Variants in DNAH6 observed in about 807,000 individuals in gnomAD.
DNAH6 encodes the protein axonemal beta dynein heavy chain 6.
DNAH6 carries 340 observed loss-of-function variants against 491.4 expected under a neutral mutation model. The ratio of observed to expected loss-of-function variants is 0.69; its 90% CI spans 0.63 to 0.76. DNAH6 has a LOEUF of 0.76. Among genes scored for constraint, DNAH6 ranks in the 30% least tolerant of loss-of-function variants. The pLI is 0.00. For synonymous variants in DNAH6, 1,603 were observed against 1,686.1 expected, an observed-to-expected ratio of 0.95 and a Z score of 1.21; for missense variants, 4,443 against 4,972.2, an observed-to-expected ratio of 0.89 and a Z score of 3.20.
intron 26 of DNAH6, among the ~76,000 whole-genome samples, chr2:84,622,539 A>G (rs1429578093): frequency 6.6e-5 from 10 of 152,052 alleles, no homozygotes; most frequent in Non-Finnish European, 1.2e-4. Flanking sequence ...AGGCGTGATA[A>G]TCATGCCCAA....
At chr2:84,755,344 A>G (rs1673899803) in intron 63 of DNAH6, among the ~76,000 whole-genome samples, 1 of 152,198 alleles carries the variant, frequency 6.6e-6, no homozygotes, top group African/African-American at 2.4e-5. Context: ...ATACCGTATC[A>G]TGCTCTTGGA....
In DNAH6 at chr2:84,670,485, ATTATT is replaced by A; in HGVS notation, c.6454+14_6454+18del. ...AGAAAAAATATTCTAGGTAAGAATC[ATTATT>A]TTAGTTTGTCCCACACAAATTATTC... is the stretch of plus-strand genomic sequence containing the variant. On this transcript the variant is annotated intron_variant, in intron 39 of 76. Coordinates refer to ENST00000389394, the MANE Select transcript of DNAH6 (RefSeq NM_001370.2). 6.7e-7 allele frequency: 1 copy of A among 1,488,334 alleles called. No homozygotes were observed. Among genetic ancestry groups the A allele is most frequent in the African/African-American group, 1.4e-5 (1 of 70,754 alleles). The allele number at this position is 1,488,334 out of a possible 1,614,324, so 92.2% of individuals were successfully genotyped here.
At chr2:84,712,991 A>T in intron 56 of DNAH6, 104 bp from the exon 57 acceptor site, 1 of 949,892 alleles carries the variant, frequency 1.1e-6, no homozygotes, top group Non-Finnish European at 1.6e-6. Context: ...CTGGAAAATT[A>T]TTCATTCACA....
intron 4 of DNAH6, among the ~76,000 whole-genome samples, chr2:84,539,521 G>A (rs1029833911): frequency 1.3e-5 from 2 of 152,068 alleles, no homozygotes; most frequent in Admixed American, 6.6e-5. Flanking sequence ...CTGAGCAACA[G>A]CTTTTCTTTA....
intron 11 of DNAH6, among the ~76,000 whole-genome samples, chr2:84,560,675 G>T (rs1478562440): frequency 1.3e-5 from 2 of 151,608 alleles, no homozygotes; most frequent in African/African-American, 4.9e-5. Context: ...TGTTCTCATT[G>T]TTCAGTTCCC....
rs958267711 is a variant in DNAH6 at position 84,745,367 on chromosome 2, C to CA, written c.10512+125dup. 3.9e-5 allele frequency: 31 copies of CA among 799,490 alleles called. 1 individual carries two copies. The highest frequency in any genetic ancestry group is 3.5e-4 in the Middle Eastern group (1 of 2,876). 49.5% of individuals were successfully genotyped at this position (799,490 alleles called of 1,614,324 possible). ...CAATGGCCAAGTTTGGGAGATGACTCAAAAAAATGAAACATGGGCCGAGCG... is the reference window on the plus strand; with the variant it reads ...CAATGGCCAAGTTTGGGAGATGACTCAAAAAAAATGAAACATGGGCCGAGCG... On this transcript the variant is annotated intron_variant, in intron 63 of 76. Coordinates refer to ENST00000389394, the MANE Select transcript of DNAH6 (RefSeq NM_001370.2).
intron 37 of DNAH6, among the ~76,000 whole-genome samples, chr2:84,660,867 C>G (rs1326574639): frequency 1.3e-5 from 2 of 151,824 alleles, no homozygotes; most frequent in Non-Finnish European, 2.9e-5. Context: ...TCATAAGAGA[C>G]AAAGTTGAGA....
At chr2:84,667,671 AG>A (rs1232589006) in intron 37 of DNAH6, among the ~76,000 whole-genome samples, 4 of 152,220 alleles carry the variant, frequency 2.6e-5, no homozygotes, top group Admixed American at 1.3e-4. Context: ...CCATTGTGGA[AG>A]ACAGTGTGGC....
chr2:84,814,127 T>A lies in DNAH6; in HGVS notation c.12150+5T>A, dbSNP rs1292557960. 2 of 1,550,850 alleles carry A rather than the reference T, an allele frequency of 1.3e-6. No homozygotes were observed. Among genetic ancestry groups the A allele is most frequent in the South Asian group, 1.2e-5 (1 of 83,950 alleles). Reference sequence around the variant, plus strand: ...GAACTGCCCATGGACATGGAGGTATTGTCCACCTGGCTGTTATGGCAAAGC... The same window carrying A: ...GAACTGCCCATGGACATGGAGGTATAGTCCACCTGGCTGTTATGGCAAAGC... On this transcript the variant is annotated splice_donor_5th_base_variant and intron_variant, in intron 75 of 76. Transcript: ENST00000389394.
chr2:84,795,923 A>C (rs1395734947), intron 68 of DNAH6, among the ~76,000 whole-genome samples: 1 of 152,188 alleles, frequency 6.6e-6, no homozygotes, highest in Non-Finnish European at 1.5e-5. Flanking sequence ...CATTTTACTC[A>C]TTGTCTCCGA....
intron 45 of DNAH6, among the ~76,000 whole-genome samples, chr2:84,693,092 C>T (rs1050701699): frequency 1.8e-4 from 27 of 152,286 alleles, no homozygotes; most frequent in African/African-American, 5.8e-4. Flanking sequence ...GTGGTTTCTT[C>T]TATTATGTCA....
At chr2:84,818,173 T>C (rs1460085750) in intron 76 of DNAH6, among the ~76,000 whole-genome samples, 1 of 152,166 alleles carries the variant, frequency 6.6e-6, no homozygotes, top group African/African-American at 2.4e-5. Flanking sequence ...GGTAGTCCTA[T>C]GTAGTAGTCA....
chr2:84,584,413 A>T, intron 15 of DNAH6, 163 bp downstream of exon 15: 1 of 735,008 alleles, frequency 1.4e-6, no homozygotes, highest in Non-Finnish European at 2.1e-6. Context: ...AAGCTAATTA[A>T]TGTGTCCATC....
chr2:84,491,337 A>C, the DNAH6 span, among the ~76,000 whole-genome samples: 2 of 152,044 alleles, frequency 1.3e-5, no homozygotes, highest in African/African-American at 4.8e-5. Context: ...TTTTTTGCCT[A>C]TTCTTTCTTG....
At position 84,808,470 on chromosome 2, in the gene DNAH6, A is replaced by G; in HGVS notation, c.11667A>G (p.Gly3889=). 1 of 1,546,064 alleles carries G rather than the reference A, an allele frequency of 6.5e-7. No individual in the cohort carries two copies. The highest frequency in any genetic ancestry group is 8.7e-7 in the Non-Finnish European group (1 of 1,145,624). The change falls in exon 72 of 77, where the codon GGA becomes GGG. Residue 3889 remains glycine (G), a synonymous_variant. Coordinates refer to ENST00000389394, the MANE Select transcript of DNAH6 (RefSeq NM_001370.2). ...GCCTTTTTGTCAAGGATCTTCAAGG[A>G]CGTCTGAACTCCTTGACCACCGTTC... is the stretch of plus-strand genomic sequence containing the variant. ...SESLFVKDLQ[G]RLNSLTTVLG... is the part of the protein sequence containing the mutation.
Position 84,762,944 on chromosome 2 carries a change from C to G in DNAH6, c.10702C>G (p.Arg3568Gly). Residue 3568 changes from arginine (R) to glycine (G), a missense_variant and splice_region_variant, in exon 64 of 77, where the codon CGG becomes GGG. Arg to Gly is a moderately radical substitution (Grantham distance 125). Coordinates refer to ENST00000389394, the MANE Select transcript of DNAH6 (RefSeq NM_001370.2). ...TGCCAGGGAAAGTGGATATTCAGAA[C>G]GGTAAGTTCATGTTGTGCAGTTTTA... ...RFARESGYSE[R>G]VQSISLGQGQ... is the part of the protein sequence containing the mutation. The G allele has an allele frequency of 6.5e-7, 1 of 1,549,406 alleles. No individual in the cohort carries two copies. Among genetic ancestry groups the G allele is most frequent in the Non-Finnish European group, 8.7e-7 (1 of 1,145,360 alleles).
chr2:84,700,393 T>A (rs1313622392), intron 48 of DNAH6, among the ~76,000 whole-genome samples: 1 of 152,086 alleles, frequency 6.6e-6, no homozygotes, highest in Admixed American at 6.6e-5. Flanking sequence ...GTCATTGAAG[T>A]TCTGTTTTCA....
Position 84,815,875 on chromosome 2 carries a change from G to C in DNAH6, c.12165G>C (p.Glu4055Asp), listed in dbSNP as rs1680436710. 1 of 1,551,254 alleles carries C rather than the reference G, an allele frequency of 6.4e-7. No homozygotes were observed. Among genetic ancestry groups the C allele is most frequent in the South Asian group, 1.2e-5 (1 of 84,010 alleles). Residue 4055 changes from glutamate to aspartate, a missense_variant, in exon 76 of 77, where the codon GAG (glutamate) becomes GAC (aspartate). Transcript: ENST00000389394. ...GTATCTTTCAGTTGCCCTCTCCTGA[G>C]GATGGTGTTCTTGTTCATGGGATGT... ...LPMDMELPSP[E>D]DGVLVHGMFM...
intron 37 of DNAH6, among the ~76,000 whole-genome samples, chr2:84,663,821 G>A (rs1403890558): frequency 1.3e-5 from 2 of 152,168 alleles, no homozygotes; most frequent in Non-Finnish European, 2.9e-5. Flanking sequence ...TAAAATAAAG[G>A]AAAAAATATT....
Sources: gnomAD v4.1 joint callset for allele counts (sites outside exome capture counted in the v4.1 genomes callset) on GRCh38, gnomAD v4.1.1 for gene constraint, MANE v1.5 for transcripts, NCBI Gene and HGNC (gene_info 2026-07-23, HGNC 2026-07-21) for gene names.